Variants in PLEKHA5 observed in about 807,000 individuals in gnomAD.
PLEKHA5 encodes pleckstrin homology domain containing A5.
A neutral mutation model predicts 181.9 loss-of-function variants in PLEKHA5; 55 were observed. That is an observed-to-expected ratio of 0.30 (90% CI 0.24 to 0.38). The LOEUF (loss-of-function observed/expected upper bound fraction) is 0.38, where lower values mean the gene tolerates loss of function less well. PLEKHA5 is among the 10% of genes least tolerant of loss of function. The pLI is 1.00. For missense variants in PLEKHA5, 1,432 were observed against 1,549.5 expected (o/e 0.92, Z 1.27); for synonymous variants, 535 against 529.4 (o/e 1.01, Z -0.15).
At chr12:19,296,048 G>A (rs549639483) in intron 15 of PLEKHA5, among the ~76,000 whole-genome samples, 2 of 150,882 alleles carry the variant, frequency 1.3e-5, no homozygotes, top group Admixed American at 6.6e-5. Flanking sequence ...CCTGGCCAAC[G>A]TATAGTGAAA....
At chr12:19,215,584 T>A (rs2057814855) in intron 3 of PLEKHA5, among the ~76,000 whole-genome samples, 1 of 152,210 alleles carries the variant, frequency 6.6e-6, no homozygotes, top group South Asian at 2.1e-4. Context: ...CATATAATCA[T>A]ATTCTTCTGA....
At chr12:19,177,783 G>T (rs2047663103) in intron 3 of PLEKHA5, among the ~76,000 whole-genome samples, 1 of 152,130 alleles carries the variant, frequency 6.6e-6, no homozygotes, top group African/African-American at 2.4e-5. Flanking sequence ...ATAATTTATA[G>T]GTGCATTTTT....
intron 17 of PLEKHA5, among the ~76,000 whole-genome samples, 162 bp downstream of exon 17, chr12:19,320,218 C>T (rs761147098): frequency 4.3e-4 from 65 of 152,022 alleles, no homozygotes; most frequent in Non-Finnish European, 5.9e-4. Context: ...TTTGATTTGA[C>T]ACAGTTGCTA....
chr12:19,176,763 T>G (rs887827706), intron 3 of PLEKHA5, among the ~76,000 whole-genome samples: 1 of 152,202 alleles, frequency 6.6e-6, no homozygotes, highest in Non-Finnish European at 1.5e-5. Flanking sequence ...TTACTTAAAT[T>G]GACAAATAAT....
chr12:19,361,583 TAA>T lies in PLEKHA5; in HGVS notation c.3492_3493del (p.Lys1164AsnfsTer2). Reference sequence around the variant, plus strand: ...AAAATTTTTCTTTTTATTCTACAGTTAAAAAAAACTGAAAACATTTCATATGA... The same window carrying T: ...AAAATTTTTCTTTTTATTCTACAGTTAAAAAACTGAAAACATTTCATATGA... On this transcript the variant is annotated frameshift_variant and splice_region_variant, in exon 29 of 32. Coordinates refer to ENST00000429027, the MANE Select transcript of PLEKHA5 (RefSeq NM_001256470.2). LOFTEE classifies it high-confidence loss of function. 6.9e-7 allele frequency: 1 copy of T among 1,449,682 alleles called. No homozygotes were observed. Among genetic ancestry groups the T allele is most frequent in the Non-Finnish European group, 9.5e-7 (1 of 1,050,482 alleles). The allele number at this position is 1,449,682 out of a possible 1,614,324, so 89.8% of individuals were successfully genotyped here. A position where few individuals can be genotyped will look rare whatever the true frequency, so the allele number is the denominator to read the frequency against.
intron 15 of PLEKHA5, chr12:19,307,092 G>A: frequency 1.8e-6 from 2 of 1,127,070 alleles, no homozygotes; most frequent in South Asian, 1.3e-5. Flanking sequence ...AGTTGCTGAA[G>A]CTTATGAGCA....
Position 19,164,683 on chromosome 12 carries a change from T to A in PLEKHA5, c.227+32233T>A, listed in dbSNP as rs963776538. Among the ~76,000 whole-genome samples, 4 of 152,174 alleles carry A rather than the reference T, an allele frequency of 2.6e-5. No individual in the cohort carries two copies. In the South Asian group the frequency reaches 8.3e-4, roughly 31 times the overall value. On this transcript the variant is annotated intron_variant, in intron 3 of 31. Coordinates refer to ENST00000429027, the MANE Select transcript of PLEKHA5 (RefSeq NM_001256470.2). The stretch of plus-strand genomic sequence containing the variant: ...ACTCAGTCTTGTCCCTTGGCTCATC[T>A]TCTACCTTAAATGCTGGTGGCCTTG...
At chr12:19,330,442 A>G (rs1440132181) in intron 20 of PLEKHA5, among the ~76,000 whole-genome samples, 1 of 152,160 alleles carries the variant, frequency 6.6e-6, no homozygotes, top group Non-Finnish European at 1.5e-5. Context: ...AAAAATAATA[A>G]TAAAACGTAA....
At chr12:19,240,134 G>T (rs796850243) in intron 3 of PLEKHA5, among the ~76,000 whole-genome samples, 1 of 152,144 alleles carries the variant, frequency 6.6e-6, no homozygotes, top group South Asian at 2.1e-4. Context: ...AATGAATACT[G>T]CACGATACGG....
intron 3 of PLEKHA5, among the ~76,000 whole-genome samples, chr12:19,231,622 AAAGCTTGAGTTAT>A (rs2060633669): frequency 7.0e-6 from 1 of 142,962 alleles, no homozygotes; most frequent in East Asian, 2.0e-4. Flanking sequence ...AAATACTCAT[AAAGCTTGAGTTAT>A]TTTATATTCA....
At chr12:19,263,930 A>G (rs6486943) in intron 7 of PLEKHA5, among the ~76,000 whole-genome samples, 130,434 of 152,092 alleles carry the variant, frequency 0.86, 57,532 homozygotes, top group Non-Finnish European at 0.97. Flanking sequence ...TTGTCAGTCT[A>G]TGAGTCTCTC....
chr12:19,175,668 T>A (rs1350824325), intron 3 of PLEKHA5, among the ~76,000 whole-genome samples: 1 of 152,204 alleles, frequency 6.6e-6, no homozygotes, highest in Non-Finnish European at 1.5e-5. Context: ...AAAATTTATA[T>A]GTGCACTATA....
intron 16 of PLEKHA5, among the ~76,000 whole-genome samples, chr12:19,318,348 G>A (rs1396962512): frequency 2.0e-5 from 3 of 151,922 alleles, no homozygotes; most frequent in Non-Finnish European, 4.4e-5. Context: ...AGGATATATC[G>A]CTCTAAAGTT....
At chr12:19,352,241 C>T in intron 25 of PLEKHA5, among the ~76,000 whole-genome samples, 1 of 151,372 alleles carries the variant, frequency 6.6e-6, no homozygotes, top group South Asian at 2.1e-4. Flanking sequence ...ATAAATTAGC[C>T]AGGCGTGGTA....
chr12:19,356,826 A>G (rs2094957754), intron 26 of PLEKHA5, among the ~76,000 whole-genome samples: 1 of 151,636 alleles, frequency 6.6e-6, no homozygotes, highest in African/African-American at 2.4e-5. Flanking sequence ...ATGCCCAGCT[A>G]ATTTCTGTAT....
intron 12 of PLEKHA5, 118 bp downstream of exon 12, chr12:19,283,863 T>C (rs939433396): frequency 1.6e-6 from 1 of 629,220 alleles, no homozygotes; most frequent in African/African-American, 1.8e-5. Flanking sequence ...GCAAGGCAGC[T>C]CTTTTTTGTT....
chr12:19,177,920 GTGTGACTAATTGGATAGCTC>G (rs1426014903), intron 3 of PLEKHA5, among the ~76,000 whole-genome samples: 1 of 152,238 alleles, frequency 6.6e-6, no homozygotes, highest in African/African-American at 2.4e-5. Flanking sequence ...ATCAGCTTCT[GTGTGACTAATTGGATAGCTC>G]TGTGAGTTCA....
chr12:19,270,815 T>TC (rs1341332407), intron 10 of PLEKHA5, among the ~76,000 whole-genome samples: 1 of 152,198 alleles, frequency 6.6e-6, no homozygotes, highest in Admixed American at 6.5e-5. Flanking sequence ...TTCTTTTTTT[T>TC]CCCTCTTCTC....
rs377651909 is a variant in PLEKHA5, at chr12:19,322,511, A to T, written c.2299-7A>T. 8 of 1,613,426 alleles carry T rather than the reference A, an allele frequency of 5.0e-6. No homozygotes were observed. The African/African-American group carries it at 5.3e-5, about 11-fold the overall frequency. ...AACATTAAGTGTAATTCTTTTTATC[A>T]TAATAGTACACGCTTGAGCAAGCTT... On this transcript the variant is annotated splice_region_variant and splice_polypyrimidine_tract_variant and intron_variant, in intron 19 of 31. Coordinates refer to ENST00000429027, the MANE Select transcript of PLEKHA5 (RefSeq NM_001256470.2).
Sources: gnomAD v4.1 joint callset for allele counts (sites outside exome capture counted in the v4.1 genomes callset) on GRCh38, gnomAD v4.1.1 for gene constraint, MANE v1.5 for transcripts, NCBI Gene and HGNC (gene_info 2026-07-23, HGNC 2026-07-21) for gene names.